The following DNAH14 variants were observed in gnomAD, a reference collection of about 807,000 sequenced individuals.
The protein encoded by DNAH14 is axonemal beta dynein heavy chain 14.
Under a neutral mutation model 520.9 loss-of-function variants are expected in DNAH14, and 478 were observed. The observed-to-expected ratio is 0.92, with a 90% CI of 0.85 to 0.99. The LOEUF (loss-of-function observed/expected upper bound fraction) is 0.99, where lower values mean the gene tolerates loss of function less well. Among genes scored for constraint, DNAH14 ranks in the 50% least tolerant of loss-of-function variants. The pLI, the probability that DNAH14 is intolerant of heterozygous loss-of-function variation, is 0.00. For synonymous variants in DNAH14, 1,581 were observed against 1,757.2 expected, an observed-to-expected ratio of 0.90 and a Z score of 2.51; for missense variants, 4,831 against 5,234.5, an observed-to-expected ratio of 0.92 and a Z score of 2.38.
At chr1:225,391,957 A>C (rs1441422787) in intron 83 of DNAH14, among the ~76,000 whole-genome samples, 1 of 152,054 alleles carries the variant, frequency 6.6e-6, no homozygotes, top group African/African-American at 2.4e-5. Context: ...TGTTGCCGAG[A>C]GGATGAGGCA....
intron 22 of DNAH14, among the ~76,000 whole-genome samples, chr1:225,099,220 A>G (rs1412455513): frequency 6.6e-6 from 1 of 152,112 alleles, no homozygotes; most frequent in Non-Finnish European, 1.5e-5. Flanking sequence ...CAAGATAGAG[A>G]ATGAGATAAT....
intron 12 of DNAH14, among the ~76,000 whole-genome samples, chr1:225,040,191 G>A (rs1446047498): frequency 1.3e-5 from 2 of 151,848 alleles, no homozygotes; most frequent in Non-Finnish European, 2.9e-5. Context: ...TGCCCGCCTC[G>A]GCCTCCCGAA....
At chr1:225,226,978 A>G (rs1242472420) in intron 41 of DNAH14, among the ~76,000 whole-genome samples, 1 of 152,194 alleles carries the variant, frequency 6.6e-6, no homozygotes, top group Non-Finnish European at 1.5e-5. Flanking sequence ...AGTAAAGAGC[A>G]GTATTTCTGC....
Position 225,338,173 on chromosome 1 carries a change from C to T in DNAH14, c.10424C>T (p.Ser3475Leu). 1 of 1,551,742 alleles carries T rather than the reference C, an allele frequency of 6.4e-7. No individual in the cohort carries two copies. The highest frequency in any genetic ancestry group is 8.7e-7 in the Non-Finnish European group (1 of 1,146,968). ...GGTGATGCTGAGTTCGAATACAATT[C>T]AAATTTTAGGTAATGTGCCACAGCT... The part of the protein sequence containing the change: ...RVGDAEFEYN[S>L]NFRLYLSTEI... Residue 3475 changes from serine to leucine, a missense_variant, in exon 68 of 86, where the codon TCA (serine) becomes TTA (leucine). By Grantham distance (145) the Ser-to-Leu change is moderately radical. Transcript: ENST00000682510.
At chr1:225,327,913 AAAG>A (rs2094712290) in intron 64 of DNAH14, among the ~76,000 whole-genome samples, 2 of 152,178 alleles carry the variant, frequency 1.3e-5, no homozygotes, top group African/African-American at 4.8e-5. Context: ...TAAAAAAGAA[AAAG>A]AAGAAATAAT....
chr1:224,952,689 G>C lies in DNAH14; in HGVS notation c.-14G>C, dbSNP rs1370998829. The C allele has an allele frequency of 7.7e-6, 12 of 1,555,188 alleles. No individual in the cohort carries two copies. The highest frequency in any genetic ancestry group is 9.5e-6 in the Non-Finnish European group (11 of 1,156,444). The stretch of plus-strand genomic sequence containing the variant: ...TTACAGCCAGTTCCTTTATAGTTTT[G>C]TTCAGAAAAACATATGGAGACGTTT... On this transcript the variant is annotated 5_prime_UTR_variant, in exon 2 of 86. Transcript: ENST00000682510.
chr1:225,352,287 T>C (rs2095375868), intron 72 of DNAH14, among the ~76,000 whole-genome samples: 1 of 152,162 alleles, frequency 6.6e-6, no homozygotes, highest in Non-Finnish European at 1.5e-5. Flanking sequence ...CTTTTTCTTT[T>C]TCCACTTCGA....
chr1:225,169,382 A>C (rs546523577), intron 36 of DNAH14, among the ~76,000 whole-genome samples: 3 of 152,180 alleles, frequency 2.0e-5, no homozygotes, highest in Non-Finnish European at 4.4e-5. Flanking sequence ...CATGGCAAAG[A>C]AGTTAAAACC....
chr1:225,043,065 A>C lies in DNAH14; in HGVS notation c.1719A>C (p.Lys573Asn), dbSNP rs2148226624. 1 of 1,551,532 alleles carries C rather than the reference A, an allele frequency of 6.4e-7. No homozygotes were observed. The highest frequency in any genetic ancestry group is 8.7e-7 in the Non-Finnish European group (1 of 1,146,990). ...KKHSSEELLP[K>N]AKKSKEISYN... The stretch of plus-strand genomic sequence containing the variant: ...ACTCAAGTGAAGAATTGCTCCCAAA[A>C]GCCAAGAAATCAAAAGAAATTAGTT... The change falls in exon 13 of 86, where the codon AAA becomes AAC. Residue 573 changes from lysine (K) to asparagine (N), a missense_variant. Transcript: ENST00000682510.
intron 55 of DNAH14, among the ~76,000 whole-genome samples, chr1:225,299,373 C>G (rs1351436353): frequency 6.6e-6 from 1 of 152,052 alleles, no homozygotes; most frequent in Admixed American, 6.5e-5. Context: ...CCTGTTTTTT[C>G]TCTTAATGCT....
At chr1:225,214,268 A>G (rs1574039645) in intron 41 of DNAH14, among the ~76,000 whole-genome samples, 1 of 152,166 alleles carries the variant, frequency 6.6e-6, no homozygotes. Flanking sequence ...CCACTTGATC[A>G]TAGTGGATAA....
In DNAH14 at chr1:225,255,816, A is replaced by C. The variant is rs2092711698; in HGVS notation, c.6866-2144A>C. Among the ~76,000 whole-genome samples, 3 of 152,222 alleles carry C rather than the reference A, an allele frequency of 2.0e-5. No individual in the cohort carries two copies. The South Asian group carries it at 6.2e-4, about 31-fold the overall frequency. ...AGACAGCCATGCTTACCATTTATAA[A>C]GAAATAAAAAGAAAGATAGAAAATA... On this transcript the variant is annotated intron_variant, in intron 44 of 85. Transcript: ENST00000682510.
At chr1:225,098,152 G>T (rs756593524) in intron 22 of DNAH14, among the ~76,000 whole-genome samples, 9 of 151,896 alleles carry the variant, frequency 5.9e-5, no homozygotes, top group Admixed American at 1.3e-4. Context: ...AGCCGTGACT[G>T]CACGATGGCA....
intron 4 of DNAH14, among the ~76,000 whole-genome samples, chr1:224,962,021 T>C (rs2060876536): frequency 6.6e-6 from 1 of 152,188 alleles, no homozygotes; most frequent in South Asian, 2.1e-4. Context: ...GTTTAGATTT[T>C]AGAACAATTA....
Position 225,318,685 on chromosome 1 carries a change from TC to T in DNAH14, c.9335+10del, listed in dbSNP as rs1420135252. The stretch of plus-strand genomic sequence containing the variant: ...TGATGTCGCTGAATTAAGGTAACTC[TC>T]CTAAGTTTCGTTTGAGTTGGAAAAG... On this transcript the variant is annotated intron_variant, in intron 61 of 85. Coordinates refer to ENST00000682510, the MANE Select transcript of DNAH14 (RefSeq NM_001367479.1). 2 of 1,537,008 alleles carry T rather than the reference TC, an allele frequency of 1.3e-6. No homozygotes were observed. The highest frequency in any genetic ancestry group is 8.8e-7 in the Non-Finnish European group (1 of 1,141,606).
rs753610026 is a variant in DNAH14 at position 225,305,045 on chromosome 1, T to G, written c.8961T>G (p.Phe2987Leu). The change falls in exon 58 of 86, where the codon TTT (phenylalanine) becomes TTG (leucine). Residue 2987 changes from phenylalanine (F) to leucine (L), a missense_variant. Transcript: ENST00000682510. Reference sequence around the variant, plus strand: ...GCTACTTGCAATTTATGGAAACATTTGCACACATTTTGAGGGCACGAGAGG... The same window carrying G: ...GCTACTTGCAATTTATGGAAACATTGGCACACATTTTGAGGGCACGAGAGG... ...PNSYLQFMET[F>L]AHILRAREEE... The G allele has an allele frequency of 4.5e-6, 7 of 1,542,662 alleles. No individual in the cohort carries two copies. The South Asian group carries it at 7.4e-5, about 16-fold the overall frequency.
chr1:225,296,674 TA>T lies in DNAH14; in HGVS notation c.8470-4194del, dbSNP rs2094016094. 3.3e-5 allele frequency among the ~76,000 whole-genome samples: 5 copies of T among 152,188 alleles called. No homozygotes were observed. The South Asian group carries it at 1.0e-3, about 31-fold the overall frequency. ...TTGAGCATTTCTTGTAAGGCTACGC[TA>T]GGGGTGATGAATTCCCTCAGGTTTT... is the stretch of plus-strand genomic sequence containing the variant. On this transcript the variant is annotated intron_variant, in intron 55 of 85. Transcript: ENST00000682510.
intron 8 of DNAH14, among the ~76,000 whole-genome samples, chr1:224,978,851 G>T (rs1490806166): frequency 6.6e-6 from 1 of 152,030 alleles, no homozygotes; most frequent in Admixed American, 6.6e-5. Context: ...ATGTTGCCCA[G>T]GCTGGTCACC....
At chr1:225,320,267 G>A (rs937045985) in intron 61 of DNAH14, among the ~76,000 whole-genome samples, 4 of 152,152 alleles carry the variant, frequency 2.6e-5, no homozygotes, top group African/African-American at 9.7e-5. Context: ...ATGTTGAAAG[G>A]ACTGAATGAG....
Sources: allele counts gnomAD v4.1 joint callset (sites outside exome capture counted in the v4.1 genomes callset), GRCh38; gene constraint gnomAD v4.1.1; transcripts MANE v1.5; gene names NCBI Gene and HGNC (gene_info 2026-07-23, HGNC 2026-07-21).